Variants in TBC1D22A observed in about 807,000 individuals in gnomAD.
TBC1D22A encodes the protein putative GTPase activator.
Under a neutral mutation model 60.2 loss-of-function variants are expected in TBC1D22A, and 38 were observed. The ratio of observed to expected loss-of-function variants is 0.63; its 90% CI spans 0.49 to 0.83. TBC1D22A has a LOEUF of 0.83. TBC1D22A is among the 40% of genes least tolerant of loss of function. The probability of loss-of-function intolerance (pLI) is 0.00; values close to 1 mark genes in which losing one functional copy is unlikely to be tolerated. For synonymous variants in TBC1D22A, 302 were observed against 281.7 expected (o/e 1.07, Z -0.72); for missense variants, 628 against 701.0 (o/e 0.90, Z 1.18).
rs560935092 is a variant in TBC1D22A, at chr22:46,884,941, G to T, written c.708+6218G>T. 1.2e-4 allele frequency among the ~76,000 whole-genome samples: 19 copies of T among 152,322 alleles called. No homozygotes were observed. In the South Asian group the frequency reaches 3.9e-3, roughly 32 times the overall value. On this transcript the variant is annotated intron_variant, in intron 5 of 12. Transcript: ENST00000337137. ...GAGGCAGGAAGGGCCAGGCCCGCAG[G>T]AGCCGTCAGCCTAGGCAGGGCCTGG...
At chr22:47,006,807 C>A (rs2061607570) in intron 10 of TBC1D22A, among the ~76,000 whole-genome samples, 1 of 152,216 alleles carries the variant, frequency 6.6e-6, no homozygotes, top group South Asian at 2.1e-4. Flanking sequence ...AAAACCCTTT[C>A]TTGCCCTTCT....
intron 8 of TBC1D22A, among the ~76,000 whole-genome samples, chr22:46,930,707 C>T (rs1003764454): frequency 6.6e-6 from 1 of 151,842 alleles, no homozygotes; most frequent in Non-Finnish European, 1.5e-5. Context: ...TCGTGATCCA[C>T]CTGCCTCGGC....
At chr22:46,913,799 G>A (rs1185822109) in intron 8 of TBC1D22A, 14 of 978,186 alleles carry the variant, frequency 1.4e-5, no homozygotes, top group Middle Eastern at 5.2e-4. Flanking sequence ...CTACTTTACC[G>A]CCAACTTCTG....
intron 11 of TBC1D22A, among the ~76,000 whole-genome samples, chr22:47,063,084 T>A (rs999269059): frequency 5.3e-5 from 8 of 151,704 alleles, no homozygotes; most frequent in Non-Finnish European, 8.8e-5. Context: ...CAGTTCTGGG[T>A]GCAGGAGCAG....
At chr22:46,792,120 A>G (rs1055137989) in intron 1 of TBC1D22A, among the ~76,000 whole-genome samples, 1 of 152,218 alleles carries the variant, frequency 6.6e-6, no homozygotes, top group Non-Finnish European at 1.5e-5. Flanking sequence ...ATTTCAGACA[A>G]AATGATGGCA....
rs73891037 is a variant in TBC1D22A at position 46,883,723 on chromosome 22, T to C, written c.708+5000T>C. On this transcript the variant is annotated intron_variant, in intron 5 of 12. Transcript: ENST00000337137. ...GCCCACGCTGCCCTGTGTTGAAGGC[T>C]GGGCCCCTTCACTGGCACACAGGCC... 7.1e-3 allele frequency among the ~76,000 whole-genome samples: 1,082 copies of C among 152,346 alleles called. 11 individuals carry two copies. The highest frequency in any genetic ancestry group is 0.025 in the African/African-American group (1,048 of 41,576).
chr22:47,095,981 T>C (rs534050030), intron 11 of TBC1D22A, among the ~76,000 whole-genome samples: 2 of 152,192 alleles, frequency 1.3e-5, no homozygotes, highest in Admixed American at 1.3e-4. Flanking sequence ...GATGAGTCTG[T>C]TGGTAACTAG....
At chr22:47,110,669 AT>A (rs1036237955) in intron 11 of TBC1D22A, among the ~76,000 whole-genome samples, 19 of 151,848 alleles carry the variant, frequency 1.3e-4, no homozygotes, top group African/African-American at 4.4e-4. Context: ...TGTGCATTGG[AT>A]TTGTTTACTT....
chr22:46,943,145 T>C (rs2072280309), intron 8 of TBC1D22A, among the ~76,000 whole-genome samples: 1 of 151,994 alleles, frequency 6.6e-6, no homozygotes, highest in Admixed American at 6.6e-5. Context: ...AATGTAATTA[T>C]GAAGAGAGAA....
chr22:47,044,114 C>T (rs2062952492), intron 11 of TBC1D22A, among the ~76,000 whole-genome samples: 1 of 149,562 alleles, frequency 6.7e-6, no homozygotes, highest in Middle Eastern at 3.2e-3. Context: ...ACCCACATTC[C>T]ATCAGGGCAG....
At chr22:46,804,151 C>G (rs2085027888) in intron 4 of TBC1D22A, among the ~76,000 whole-genome samples, 1 of 152,192 alleles carries the variant, frequency 6.6e-6, no homozygotes, top group Non-Finnish European at 1.5e-5. Context: ...GCGTTTTCCC[C>G]CCGTGGCTTC....
chr22:46,800,846 A>G (rs978947058), intron 4 of TBC1D22A, among the ~76,000 whole-genome samples: 8 of 152,138 alleles, frequency 5.3e-5, no homozygotes, highest in African/African-American at 1.7e-4. Context: ...GGACTTACAG[A>G]TGTTTTCCTG....
chr22:46,793,485 T>C lies in TBC1D22A; in HGVS notation c.120-16T>C. On this transcript the variant is annotated splice_polypyrimidine_tract_variant and intron_variant, in intron 2 of 12. Coordinates refer to ENST00000337137, the MANE Select transcript of TBC1D22A (RefSeq NM_014346.5). The stretch of plus-strand genomic sequence containing the variant: ...CCTTCGAGCATGTACGAGTAAAGAC[T>C]GCCTTTGCATTGCAGTTTGCTCAGG... The C allele has an allele frequency of 6.2e-7, 1 of 1,613,874 alleles. No individual in the cohort carries two copies. Among genetic ancestry groups the C allele is most frequent in the East Asian group, 2.2e-5 (1 of 44,892 alleles).
intron 12 of TBC1D22A, among the ~76,000 whole-genome samples, chr22:47,149,490 G>T (rs2067419357): frequency 6.6e-6 from 1 of 152,280 alleles, no homozygotes; most frequent in Non-Finnish European, 1.5e-5. Context: ...CACAGGCCAG[G>T]CTGGCTGCCG....
intron 9 of TBC1D22A, among the ~76,000 whole-genome samples, chr22:46,995,308 T>C (rs1248508607): frequency 1.3e-5 from 2 of 152,110 alleles, no homozygotes; most frequent in Non-Finnish European, 2.9e-5. Context: ...GATGTGACAG[T>C]TTGGAATCCA....
Position 47,048,878 on chromosome 22 carries a change from G to A in TBC1D22A, c.1329+11680G>A, listed in dbSNP as rs1414460391. Among the ~76,000 whole-genome samples the A allele has an allele frequency of 4.6e-5, 7 of 152,308 alleles. No individual in the cohort carries two copies. In the East Asian group the frequency reaches 1.4e-3, roughly 29 times the overall value. ...CCCCCATGCTGGGGCACACCTGACT[G>A]CCCGCATGCACCCTGGATTTATAGG... is the stretch of plus-strand genomic sequence containing the variant. On this transcript the variant is annotated intron_variant, in intron 11 of 12. Transcript: ENST00000337137.
chr22:46,818,843 G>A (rs554546445), intron 4 of TBC1D22A, among the ~76,000 whole-genome samples: 3 of 152,090 alleles, frequency 2.0e-5, no homozygotes, highest in African/African-American at 7.2e-5. Context: ...CCATTTTTAC[G>A]ATGTTGATTC....
At chr22:46,970,897 A>C (rs1054180660) in intron 8 of TBC1D22A, among the ~76,000 whole-genome samples, 7 of 152,070 alleles carry the variant, frequency 4.6e-5, no homozygotes, top group African/African-American at 1.7e-4. Flanking sequence ...CTATCTCCCC[A>C]GGGGCCAGAC....
intron 8 of TBC1D22A, chr22:46,913,873 A>C (rs1378103119): frequency 1.7e-6 from 1 of 574,390 alleles, no homozygotes; most frequent in Non-Finnish European, 2.2e-6. Context: ...ATGAAGGGGC[A>C]TGACCACGAT....
Sources: gnomAD v4.1 joint callset for allele counts (sites outside exome capture counted in the v4.1 genomes callset) on GRCh38, gnomAD v4.1.1 for gene constraint, MANE v1.5 for transcripts, NCBI Gene and HGNC (gene_info 2026-07-23, HGNC 2026-07-21) for gene names.